CSPP1: variants seen among roughly 807,000 people sequenced by gnomAD.
CSPP1 encodes centrosome and spindle pole-associated protein 1.
Under a neutral mutation model 164.4 loss-of-function variants are expected in CSPP1, and 126 were observed. The observed-to-expected ratio is 0.77, with a 90% CI of 0.66 to 0.89. The LOEUF is 0.89. Among genes scored for constraint, CSPP1 ranks in the 40% least tolerant of loss-of-function variants. CSPP1 has a pLI of 0.00. For missense variants in CSPP1, 1,395 were observed against 1,449.8 expected, an observed-to-expected ratio of 0.96 and a Z score of 0.61; for synonymous variants, 472 against 476.7, an observed-to-expected ratio of 0.99 and a Z score of 0.13.
chr8:67,171,848 A>G (rs1487151228), intron 24 of CSPP1, among the ~76,000 whole-genome samples: 4 of 105,188 alleles, frequency 3.8e-5, no homozygotes, highest in Non-Finnish European at 8.1e-5. Context: ...ATGCCTGGCC[A>G]ACTTTTTTTT....
At chr8:67,178,956 G>A (rs761585984) in intron 27 of CSPP1, among the ~76,000 whole-genome samples, 3 of 152,202 alleles carry the variant, frequency 2.0e-5, no homozygotes, top group Non-Finnish European at 2.9e-5. Flanking sequence ...CATTTTGACT[G>A]AGTGGGACAG....
chr8:67,167,423 C>T (rs1190840255), intron 24 of CSPP1, among the ~76,000 whole-genome samples: 6 of 146,604 alleles, frequency 4.1e-5, no homozygotes, highest in Middle Eastern at 3.7e-3. Flanking sequence ...CTGGACGGGG[C>T]GGCTGGCCGG....
chr8:67,158,173 TTAA>T (rs1192408253), intron 19 of CSPP1, among the ~76,000 whole-genome samples: 1 of 152,178 alleles, frequency 6.6e-6, no homozygotes, highest in African/African-American at 2.4e-5. Context: ...GATGTAGGCG[TTAA>T]TAACTGTGTT....
In CSPP1 at chr8:67,077,788, T is replaced by C. The variant is rs544528786; in HGVS notation, c.199+1207T>C. Among the ~76,000 whole-genome samples the C allele has an allele frequency of 1.6e-3, 240 of 152,304 alleles. 1 individual carries two copies. Among genetic ancestry groups the C allele is most frequent in the Admixed American group, 2.5e-3 (39 of 15,296 alleles). ...TGGATGTAGGTATACTCCTAAATTG[T>C]TTTTGTGTGCCAGTGGATACAAGGG... On this transcript the variant is annotated intron_variant, in intron 3 of 30. Coordinates refer to ENST00000678616, the MANE Select transcript of CSPP1 (RefSeq NM_001382391.1).
chr8:67,183,935 C>CT (rs1207353215), intron 28 of CSPP1, among the ~76,000 whole-genome samples: 2 of 149,386 alleles, frequency 1.3e-5, no homozygotes, highest in Non-Finnish European at 3.0e-5. Context: ...TCACTGCAAC[C>CT]TCCGCCTCCC....
chr8:67,082,348 C>G (rs986377497), intron 3 of CSPP1, among the ~76,000 whole-genome samples: 2 of 152,200 alleles, frequency 1.3e-5, no homozygotes, highest in Non-Finnish European at 2.9e-5. Context: ...CAGCACCCAG[C>G]CTTGTAGTTT....
chr8:67,140,857 A>G (rs1483203121), intron 17 of CSPP1, among the ~76,000 whole-genome samples: 1 of 152,050 alleles, frequency 6.6e-6, no homozygotes, highest in Admixed American at 6.6e-5. Flanking sequence ...GGACAAATTG[A>G]GGATTTTGTT....
chr8:67,151,181 T>C (rs1415133382), intron 18 of CSPP1, among the ~76,000 whole-genome samples: 1 of 152,226 alleles, frequency 6.6e-6, no homozygotes, highest in Non-Finnish European at 1.5e-5. Context: ...ACCAGTGTTT[T>C]CTAATTATGA....
intron 17 of CSPP1, among the ~76,000 whole-genome samples, chr8:67,147,930 A>AT (rs557962477): frequency 4.0e-4 from 61 of 150,942 alleles, no homozygotes; most frequent in South Asian, 1.7e-3. Flanking sequence ...TTTTATTTTT[A>AT]TTTTTTTTGA....
At chr8:67,099,543 G>A (rs897327752) in intron 7 of CSPP1, 1 of 152,134 alleles carries the variant, frequency 6.6e-6, no homozygotes, top group African/African-American at 2.4e-5. Context: ...TTTAGTGAGT[G>A]CATTACTTTT....
intron 28 of CSPP1, among the ~76,000 whole-genome samples, chr8:67,182,613 A>G (rs1375851818): frequency 6.6e-6 from 1 of 152,218 alleles, no homozygotes; most frequent in African/African-American, 2.4e-5. Flanking sequence ...AGCAGTGCAC[A>G]AAAGTTCCGA....
chr8:67,194,752 A>ATAAT (rs1837437911), intron 30 of CSPP1, among the ~76,000 whole-genome samples: 1 of 152,078 alleles, frequency 6.6e-6, no homozygotes, highest in African/African-American at 2.4e-5. Context: ...ATTATACCTA[A>ATAAT]TAATAAATAA....
intron 30 of CSPP1, among the ~76,000 whole-genome samples, chr8:67,194,437 A>G (rs1837307780): frequency 6.6e-6 from 1 of 152,242 alleles, no homozygotes; most frequent in African/African-American, 2.4e-5. Flanking sequence ...ACCAAACACA[A>G]AGCAGACATG....
chr8:67,085,081 A>G (rs112089829), intron 3 of CSPP1, among the ~76,000 whole-genome samples: 97 of 152,288 alleles, frequency 6.4e-4, no homozygotes, highest in African/African-American at 2.1e-3. Context: ...GTAAGGAAAT[A>G]CTACTCAAAT....
At chr8:67,159,904 C>G (rs1220342661) in intron 21 of CSPP1, among the ~76,000 whole-genome samples, 2 of 66,864 alleles carry the variant, frequency 3.0e-5, no homozygotes, top group African/African-American at 1.6e-4. Flanking sequence ...TTCTTTCTTT[C>G]TTTCTTTCTT....
chr8:67,068,809 TG>T (rs1422787084), intron 1 of CSPP1, among the ~76,000 whole-genome samples: 2 of 152,234 alleles, frequency 1.3e-5, no homozygotes. Context: ...GTGTCTATGA[TG>T]GATCAAGACA....
At chr8:67,111,793 A>T (rs531478237) in intron 9 of CSPP1, among the ~76,000 whole-genome samples, 179 bp from the exon 10 acceptor site, 2 of 151,772 alleles carry the variant, frequency 1.3e-5, no homozygotes, top group South Asian at 4.1e-4. Context: ...CATAGTAGGT[A>T]CCCATTAATT....
chr8:67,145,531 G>T (rs533748586), intron 17 of CSPP1, among the ~76,000 whole-genome samples: 4,804 of 134,274 alleles, frequency 0.036, 162 homozygotes, highest in African/African-American at 0.082. Context: ...TTTTTTTTTT[G>T]TTTTTGTTTT....
chr8:67,113,063 G>A (rs892344059), intron 10 of CSPP1, among the ~76,000 whole-genome samples: 18 of 152,150 alleles, frequency 1.2e-4, no homozygotes, highest in African/African-American at 4.3e-4. Context: ...GGCTAACACG[G>A]TGAAACCCCG....
Sources: allele counts gnomAD v4.1 joint callset (sites outside exome capture counted in the v4.1 genomes callset), GRCh38; gene constraint gnomAD v4.1.1; transcripts MANE v1.5; gene names NCBI Gene and HGNC (gene_info 2026-07-23, HGNC 2026-07-21).